Variants in SELP observed in about 807,000 individuals in gnomAD.
The protein encoded by SELP is P-selectin.
A neutral mutation model predicts 104.1 loss-of-function variants in SELP; 92 were observed. The observed-to-expected ratio is 0.88, with a 90% CI of 0.75 to 1.05. The LOEUF (loss-of-function observed/expected upper bound fraction) is 1.05. SELP is among the 50% of genes least tolerant of loss of function. SELP has a pLI of 0.00. For missense variants in SELP, 1,022 were observed against 1,017.3 expected, an observed-to-expected ratio of 1.00 and a Z score of -0.06; for synonymous variants, 397 against 364.5, an observed-to-expected ratio of 1.09 and a Z score of -1.01.
At chr1:169,591,500 A>G in intron 14 of SELP, 44 bp from the exon 15 acceptor site, 1 of 1,455,316 alleles carries the variant, frequency 6.9e-7, no homozygotes, top group South Asian at 1.3e-5. Flanking sequence ...AAAAAAAAAA[A>G]ACAAGATGAA....
At chr1:169,597,299 G>A in intron 10 of SELP, 123 bp from the exon 11 acceptor site, 9 of 851,976 alleles carry the variant, frequency 1.1e-5, no homozygotes, top group Non-Finnish European at 1.5e-5. Context: ...CAGGTATTTT[G>A]CTAGGCAGCA....
At chr1:169,592,163 C>A (rs1039057008) in intron 14 of SELP, among the ~76,000 whole-genome samples, 14 of 152,160 alleles carry the variant, frequency 9.2e-5, no homozygotes, top group African/African-American at 3.4e-4. Context: ...GTTGAGCAAG[C>A]ACACATTTTG....
rs1220321854 is a variant in SELP at position 169,612,943 on chromosome 1, G to T, written c.761C>A (p.Pro254His). 2 of 1,611,598 alleles carry T rather than the reference G, an allele frequency of 1.2e-6. No individual in the cohort carries two copies. The highest frequency in any genetic ancestry group is 1.7e-6 in the Non-Finnish European group (2 of 1,178,382). Residue 254 changes from proline to histidine, a missense_variant, in exon 5 of 17, where the codon CCT becomes CAT. Transcript: ENST00000263686. ...CLASGIWTNK[P>H]PQCLAAQCPP... is the part of the protein sequence containing the mutation. Reference sequence around the variant, plus strand: ...GGTCTACATACCTAAACACTGTGGAGGCTTATTTGTCCAGATTCCAGAAGC... The same window carrying T: ...GGTCTACATACCTAAACACTGTGGATGCTTATTTGTCCAGATTCCAGAAGC...
At chr1:169,626,503 C>T (rs541360142) in intron 1 of SELP, among the ~76,000 whole-genome samples, 16 of 152,286 alleles carry the variant, frequency 1.1e-4, no homozygotes, top group African/African-American at 3.9e-4. Context: ...ATCGCTTGAA[C>T]CCAGGAGACA....
At chr1:169,620,499 C>T (rs1050802279) in intron 1 of SELP, among the ~76,000 whole-genome samples, 1 of 151,976 alleles carries the variant, frequency 6.6e-6, no homozygotes, top group Non-Finnish European at 1.5e-5. Context: ...CATCAGTTCC[C>T]CTCTAAAGCC....
chr1:169,619,018 A>G, intron 2 of SELP, 111 bp downstream of exon 2: 3 of 760,206 alleles, frequency 3.9e-6, no homozygotes, highest in Non-Finnish European at 6.5e-6. Context: ...GGACTTGGAC[A>G]GTTTTCCCAT....
chr1:169,613,867 G>C lies in SELP; in HGVS notation c.482-174C>G, dbSNP rs139372154. The stretch of plus-strand genomic sequence containing the variant: ...CTGTCCCTTGTGAAAAGCATTGTAG[G>C]GGCCTGCTGGAGTATTGCGTGGCTC... On this transcript the variant is annotated intron_variant, in intron 3 of 16. Coordinates refer to ENST00000263686, the MANE Select transcript of SELP (RefSeq NM_003005.4). Among the ~76,000 whole-genome samples the C allele has an allele frequency of 9.2e-5, 14 of 152,278 alleles. No homozygotes were observed. The East Asian group carries it at 2.7e-3, about 29-fold the overall frequency.
At chr1:169,593,508 G>A in intron 14 of SELP, 97 bp downstream of exon 14, 3 of 959,096 alleles carry the variant, frequency 3.1e-6, no homozygotes, top group South Asian at 3.2e-5. Context: ...ATGAACTACT[G>A]AAGTTGTGGT....
chr1:169,610,509 A>C (rs1056197995), intron 7 of SELP, among the ~76,000 whole-genome samples: 15 of 152,102 alleles, frequency 9.9e-5, no homozygotes, highest in African/African-American at 3.6e-4. Context: ...TAAGAACCAA[A>C]AATCCGGCTG....
At chr1:169,613,407 A>T (rs542252402) in intron 4 of SELP, among the ~76,000 whole-genome samples, 179 bp downstream of exon 4, 1 of 152,180 alleles carries the variant, frequency 6.6e-6, no homozygotes, top group African/African-American at 2.4e-5. Context: ...GTTTTCTCCC[A>T]AGAATAAAAT....
chr1:169,630,063 T>C lies in SELP; in HGVS notation c.3+9A>G, dbSNP rs1487466625. 1 of 1,613,966 alleles carries C rather than the reference T, an allele frequency of 6.2e-7. No homozygotes were observed. Among genetic ancestry groups the C allele is most frequent in the African/African-American group, 1.3e-5 (1 of 74,908 alleles). On this transcript the variant is annotated intron_variant, in intron 1 of 16. Coordinates refer to ENST00000263686, the MANE Select transcript of SELP (RefSeq NM_003005.4). The stretch of plus-strand genomic sequence containing the variant: ...CAACCACTTCCCATGCAGAAAAAAA[T>C]AAACTCACCATCTCCTCTGTGACTC...
intron 1 of SELP, among the ~76,000 whole-genome samples, chr1:169,623,316 A>T (rs1291143995): frequency 1.3e-5 from 2 of 152,162 alleles, no homozygotes; most frequent in Non-Finnish European, 1.5e-5. Flanking sequence ...AGCTCACAAG[A>T]GTGTGTAGGG....
Position 169,613,052 on chromosome 1 carries a change from C to T in SELP, c.652G>A (p.Gly218Arg), listed in dbSNP as rs563523743. 1 of 1,613,772 alleles carries T rather than the reference C, an allele frequency of 6.2e-7. No individual in the cohort carries two copies. Among genetic ancestry groups the T allele is most frequent in the Admixed American group, 1.7e-5 (1 of 59,998 alleles). ...CACTGCGAGTTAAAAGAGAAGTTTCCCAGAGGGTGGCTGCAGTTCATGAGC... is the reference window on the plus strand; with the variant it reads ...CACTGCGAGTTAAAAGAGAAGTTTCTCAGAGGGTGGCTGCAGTTCATGAGC... Reference protein sequence around the residue: ...HVLMNCSHPLGNFSFNSQCSF... With the variant: ...HVLMNCSHPLRNFSFNSQCSF... Residue 218 changes from glycine (G) to arginine (R), a missense_variant, in exon 5 of 17, where the codon GGA (glycine) becomes AGA (arginine). Transcript: ENST00000263686.
chr1:169,609,343 G>A (rs775551238), intron 8 of SELP, among the ~76,000 whole-genome samples, 161 bp downstream of exon 8: 2 of 152,068 alleles, frequency 1.3e-5, no homozygotes, highest in African/African-American at 2.4e-5. Flanking sequence ...CTGGCTTCAC[G>A]CACCGTTTCA....
chr1:169,621,381 G>A (rs1006514300), intron 1 of SELP, among the ~76,000 whole-genome samples: 1 of 140,138 alleles, frequency 7.1e-6, no homozygotes, highest in African/African-American at 2.7e-5. Context: ...GTATGTGTGT[G>A]TCACACCCAG....
intron 8 of SELP, among the ~76,000 whole-genome samples, chr1:169,608,781 C>T (rs962192832): frequency 1.3e-5 from 2 of 151,978 alleles, no homozygotes; most frequent in Non-Finnish European, 2.9e-5. Flanking sequence ...CAGAGGTCTC[C>T]GTAAATGAAA....
At position 169,617,208 on chromosome 1, in the gene SELP, A is replaced by G. The variant is rs767639949; in HGVS notation, c.301T>C (p.Trp101Arg). The change falls in exon 3 of 17, where the codon TGG (tryptophan) becomes CGG (arginine). Residue 101 changes from tryptophan to arginine, a missense_variant. Trp to Arg is a moderately radical substitution (Grantham distance 101). Coordinates refer to ENST00000263686, the MANE Select transcript of SELP (RefSeq NM_003005.4). Reference sequence around the variant, plus strand: ...GCCTTTTTGGTTCCCACCCATGTCCATGTCTTATTGTTCTTTCGGATCCCA... The same window carrying G: ...GCCTTTTTGGTTCCCACCCATGTCCGTGTCTTATTGTTCTTTCGGATCCCA... ...WIGIRKNNKT[W>R]TWVGTKKALT... 1.9e-6 allele frequency: 3 copies of G among 1,613,936 alleles called. No individual in the cohort carries two copies. Among genetic ancestry groups the G allele is most frequent in the South Asian group, 1.1e-5 (1 of 91,072 alleles).
At chr1:169,606,451 TTCTAAG>T (rs1243166001) in intron 9 of SELP, among the ~76,000 whole-genome samples, 4 of 152,252 alleles carry the variant, frequency 2.6e-5, no homozygotes, top group East Asian at 1.9e-4. Context: ...CTTCACCTTA[TTCTAAG>T]TCTATTTCTC....
intron 7 of SELP, 48 bp downstream of exon 7, chr1:169,611,444 C>A: frequency 6.3e-7 from 1 of 1,589,490 alleles, no homozygotes. Context: ...TCTACCATGC[C>A]ATGATTCCTT....
Sources: gnomAD v4.1 joint callset for allele counts (sites outside exome capture counted in the v4.1 genomes callset) on GRCh38, gnomAD v4.1.1 for gene constraint, MANE v1.5 for transcripts, NCBI Gene and HGNC (gene_info 2026-07-23, HGNC 2026-07-21) for gene names.